INO80: variants seen among roughly 807,000 people sequenced by gnomAD.
INO80 encodes the protein chromatin-remodeling ATPase INO80.
Under a neutral mutation model 203.4 loss-of-function variants are expected in INO80, and 20 were observed. The ratio of observed to expected loss-of-function variants is 0.10; its 90% CI spans 0.07 to 0.14. INO80 has a LOEUF of 0.14. INO80 is among the 10% of genes least tolerant of loss of function. INO80 has a pLI of 1.00. For synonymous variants in INO80, 726 were observed against 685.2 expected, an observed-to-expected ratio of 1.06 and a Z score of -0.93; for missense variants, 1,419 against 1,914.4, an observed-to-expected ratio of 0.74 and a Z score of 4.83.
chr15:41,003,765 T>A (rs1043051256), intron 28 of INO80, among the ~76,000 whole-genome samples: 2 of 152,158 alleles, frequency 1.3e-5, no homozygotes, highest in African/African-American at 4.8e-5. Context: ...GTATCAAATA[T>A]ACTAGTGGAA....
intron 14 of INO80, among the ~76,000 whole-genome samples, chr15:41,061,808 A>C (rs1331438743): frequency 2.6e-5 from 4 of 152,188 alleles, no homozygotes; most frequent in Non-Finnish European, 5.9e-5. Context: ...GAATGGATCT[A>C]ATGACAGATT....
intron 24 of INO80, among the ~76,000 whole-genome samples, chr15:41,037,417 T>C (rs1217428797): frequency 6.6e-6 from 1 of 151,964 alleles, no homozygotes; most frequent in Non-Finnish European, 1.5e-5. Context: ...GGCAGGAGAC[T>C]ACTTTGAACC....
rs1893779253 is a variant in INO80 at position 40,980,409 on chromosome 15, G to T, written c.4485C>A (p.Ser1495=). 1.2e-6 allele frequency: 2 copies of T among 1,613,688 alleles called. No homozygotes were observed. The highest frequency in any genetic ancestry group is 1.7e-6 in the Non-Finnish European group (2 of 1,180,004). ...GISASSPLQT[S]LVRPAGLADF... ...CAGCAAGGCCAGCAGGCCGAACAAGGGATGTCTGCAGAGGACTGCTGGCGG... is the reference window on the plus strand; with the variant it reads ...CAGCAAGGCCAGCAGGCCGAACAAGTGATGTCTGCAGAGGACTGCTGGCGG... The change falls in exon 36 of 36, where the codon TCC becomes TCA. Residue 1495 remains serine, a synonymous_variant. Transcript: ENST00000648947.
At chr15:41,114,914 T>C (rs1260278905) in intron 1 of INO80, among the ~76,000 whole-genome samples, 2 of 152,120 alleles carry the variant, frequency 1.3e-5, no homozygotes, top group African/African-American at 4.8e-5. Context: ...CTTCTAGAGA[T>C]TCTCTTTTAG....
chr15:40,981,388 C>T (rs193055212), intron 35 of INO80, among the ~76,000 whole-genome samples: 31 of 152,340 alleles, frequency 2.0e-4, no homozygotes, highest in Admixed American at 2.0e-3. Flanking sequence ...GCAGCCTGGA[C>T]TACTGGCATG....
At chr15:40,989,014 CA>C (rs55929719) in intron 29 of INO80, among the ~76,000 whole-genome samples, 141,381 of 144,908 alleles carry the variant, frequency 0.98, 68,968 homozygotes, top group East Asian at 0.99. Context: ...GCCTCCGTCT[CA>C]AAAAAAAAAA....
In INO80 at chr15:40,979,898, GA is replaced by G. The variant is rs1213960101; in HGVS notation, c.*324del. 2.8e-5 allele frequency: 10 copies of G among 352,804 alleles called. No individual in the cohort carries two copies. Among genetic ancestry groups the G allele is most frequent in the Non-Finnish European group, 5.3e-5 (10 of 187,114 alleles). The allele number at this position is 352,804 out of a possible 1,614,324, so 21.9% of individuals were successfully genotyped here. ...AGAGCCGAAGAGTGGAATCGGGATG[GA>G]AACAGTATGCCTGAGCATCTAAAGG... is the stretch of plus-strand genomic sequence containing the variant. On this transcript the variant is annotated 3_prime_UTR_variant, in exon 36 of 36. Coordinates refer to ENST00000648947, the MANE Select transcript of INO80 (RefSeq NM_017553.3).
chr15:41,040,549 G>T (rs754344678), intron 24 of INO80, among the ~76,000 whole-genome samples: 6 of 152,196 alleles, frequency 3.9e-5, no homozygotes, highest in Non-Finnish European at 8.8e-5. Context: ...TTCTTCAACA[G>T]GACACAAAAA....
At chr15:41,096,010 G>C in intron 2 of INO80, 82 bp from the exon 3 acceptor site, 1 of 1,439,598 alleles carries the variant, frequency 6.9e-7, no homozygotes, top group Non-Finnish European at 9.4e-7. Context: ...CTTTACAGAA[G>C]AAACTGTTCC....
intron 1 of INO80, among the ~76,000 whole-genome samples, chr15:41,111,346 T>C (rs2045955623): frequency 6.6e-6 from 1 of 152,128 alleles, no homozygotes; most frequent in Non-Finnish European, 1.5e-5. Context: ...CTCAGGAGGC[T>C]GAGGCAGGAG....
At chr15:41,004,297 A>G (rs569747690) in intron 28 of INO80, among the ~76,000 whole-genome samples, 82 of 115,666 alleles carry the variant, frequency 7.1e-4, no homozygotes, top group Non-Finnish European at 1.4e-3. Context: ...TAAACAGAGG[A>G]CACTCTATGT....
intron 12 of INO80, among the ~76,000 whole-genome samples, 169 bp downstream of exon 12, chr15:41,071,680 C>T (rs1001680694): frequency 6.6e-6 from 1 of 151,630 alleles, no homozygotes; most frequent in Non-Finnish European, 1.5e-5. Context: ...AGGCTGGTCT[C>T]GAACTCCCAA....
chr15:40,984,604 A>G (rs932225914), intron 32 of INO80, among the ~76,000 whole-genome samples: 1 of 150,380 alleles, frequency 6.6e-6, no homozygotes, highest in Non-Finnish European at 1.5e-5. Flanking sequence ...GGATTACTTG[A>G]GCCCAGAAAT....
At chr15:41,069,166 T>C (rs999260927) in intron 14 of INO80, among the ~76,000 whole-genome samples, 1 of 152,144 alleles carries the variant, frequency 6.6e-6, no homozygotes, top group Non-Finnish European at 1.5e-5. Context: ...TCTTGCTCTG[T>C]CGCCCTGGAT....
rs1329628580 is a variant in INO80, at chr15:41,102,565, G to A, written c.-43-6212C>T. Among the ~76,000 whole-genome samples, 4 of 152,154 alleles carry A rather than the reference G, an allele frequency of 2.6e-5. No homozygotes were observed. The East Asian group carries it at 7.8e-4, about 30-fold the overall frequency. On this transcript the variant is annotated intron_variant, in intron 1 of 35. Transcript: ENST00000648947. ...TTTGCCTGTAGTCCCAGCAACTTGG[G>A]AGCCTGAGGCAGGAGAATCGCTTGA...
intron 1 of INO80, 33 bp downstream of exon 1, chr15:41,115,940 C>G (rs1047970509): frequency 5.5e-5 from 21 of 384,332 alleles, no homozygotes; most frequent in Non-Finnish European, 7.8e-5. Context: ...ACAACCCCCA[C>G]TCCGTTCGCC....
chr15:41,061,403 G>C (rs901721753), intron 14 of INO80, among the ~76,000 whole-genome samples: 3 of 141,472 alleles, frequency 2.1e-5, no homozygotes. Context: ...TCAGGAGATA[G>C]AGACCACCCT....
At chr15:41,009,530 A>G (rs910585586) in intron 27 of INO80, among the ~76,000 whole-genome samples, 15 of 151,354 alleles carry the variant, frequency 9.9e-5, no homozygotes, top group African/African-American at 3.6e-4. Flanking sequence ...ATGATTTCCA[A>G]TTTCATCCAT....
chr15:41,073,356 G>C (rs2045354217), intron 11 of INO80, 72 bp downstream of exon 11: 1 of 1,235,640 alleles, frequency 8.1e-7, no homozygotes, highest in Non-Finnish European at 1.2e-6. Flanking sequence ...ACTAAAGGAA[G>C]ACCACCTAAG....
Sources: allele counts gnomAD v4.1 joint callset (sites outside exome capture counted in the v4.1 genomes callset), GRCh38; gene constraint gnomAD v4.1.1; transcripts MANE v1.5; gene names NCBI Gene and HGNC (gene_info 2026-07-23, HGNC 2026-07-21).